STK32C: variants seen among roughly 807,000 people sequenced by gnomAD.
STK32C encodes the protein serine/threonine kinase 32C.
Under a neutral mutation model 56.5 loss-of-function variants are expected in STK32C, and 31 were observed. That is an observed-to-expected ratio of 0.55 (90% CI 0.41 to 0.74). The LOEUF (loss-of-function observed/expected upper bound fraction) is 0.74, where lower values mean the gene tolerates loss of function less well. Ranked by LOEUF, STK32C falls within the 30% of genes least tolerant of loss-of-function variation. The pLI is 0.00. For missense variants in STK32C, 544 were observed against 676.9 expected (o/e 0.80, Z 2.18); for synonymous variants, 309 against 289.4 (o/e 1.07, Z -0.69).
At chr10:132,279,061 G>A (rs1382799390) in intron 1 of STK32C, among the ~76,000 whole-genome samples, 1 of 152,126 alleles carries the variant, frequency 6.6e-6, no homozygotes, top group South Asian at 2.1e-4. Context: ...CGGGGGACGG[G>A]GCATATAAGT....
Position 132,224,529 on chromosome 10 carries a change from G to C in STK32C, c.877-6C>G, listed in dbSNP as rs749030656. 9.1e-5 allele frequency: 144 copies of C among 1,589,352 alleles called. No individual in the cohort carries two copies. Among genetic ancestry groups the C allele is most frequent in the Non-Finnish European group, 1.2e-4 (135 of 1,168,278 alleles). On this transcript the variant is annotated splice_region_variant and splice_polypyrimidine_tract_variant and intron_variant, in intron 7 of 11. Coordinates refer to ENST00000298630, the MANE Select transcript of STK32C (RefSeq NM_173575.4). The stretch of plus-strand genomic sequence containing the variant: ...GAGTGGATGTCATAGGGCCTCTGGA[G>C]ACAGGGAGGCAGTGCTGGGCAGGTC...
intron 1 of STK32C, among the ~76,000 whole-genome samples, chr10:132,288,797 A>G (rs2065486194): frequency 6.6e-6 from 1 of 152,236 alleles, no homozygotes; most frequent in East Asian, 1.9e-4. Context: ...GCTGAGAGAA[A>G]TTAAAGAAGA....
chr10:132,324,269 C>A (rs767373536), exon 2 of STK32C: 3 of 779,612 alleles, frequency 3.8e-6, no homozygotes, highest in Admixed American at 3.4e-5. Flanking sequence ...CAGAACACAC[C>A]CCCAGCTTTT....
At chr10:132,278,299 C>T (rs1255376523) in intron 1 of STK32C, among the ~76,000 whole-genome samples, 1 of 151,964 alleles carries the variant, frequency 6.6e-6, no homozygotes, top group Non-Finnish European at 1.5e-5. Flanking sequence ...GTTCTAAAAA[C>T]AAAAATTCAC....
chr10:132,225,216 C>CT lies in STK32C; in HGVS notation c.876+16dup. The CT allele has an allele frequency of 6.3e-7, 1 of 1,582,968 alleles. No individual in the cohort carries two copies. Among genetic ancestry groups the CT allele is most frequent in the Non-Finnish European group, 8.6e-7 (1 of 1,162,580 alleles). ...GGGGCCTGGCAGCCAAGCCCAGGGG[C>CT]TGCAGGGGGTCCATACCCATCCTCG... On this transcript the variant is annotated intron_variant, in intron 7 of 11. Coordinates refer to ENST00000298630, the MANE Select transcript of STK32C (RefSeq NM_173575.4).
At chr10:132,311,477 G>T (rs1423488002), upstream of STK32C, among the ~76,000 whole-genome samples, 1 of 152,230 alleles carries the variant, frequency 6.6e-6, no homozygotes, top group Non-Finnish European at 1.5e-5. The surrounding 1 kb of genome is among the most constrained non-coding windows in gnomAD (Gnocchi z 4.4). Context: ...GAAGGCCAGG[G>T]CCTTGGAGCC....
intron 8 of STK32C, 76 bp from the exon 9 acceptor site, chr10:132,223,062 G>A (rs1348071564): frequency 2.7e-6 from 4 of 1,503,426 alleles, no homozygotes; most frequent in Non-Finnish European, 3.6e-6. Context: ...CCCCAGGCCA[G>A]GGCACCTTGA....
At chr10:132,319,577 C>T (rs1019968697), downstream of STK32C, among the ~76,000 whole-genome samples, 8 of 152,180 alleles carry the variant, frequency 5.3e-5, no homozygotes, top group East Asian at 1.9e-4. Context: ...GATGAAAAGA[C>T]GACATACTGT....
chr10:132,261,108 G>A (rs2064290333), intron 1 of STK32C, among the ~76,000 whole-genome samples: 1 of 152,218 alleles, frequency 6.6e-6, no homozygotes, highest in Non-Finnish European at 1.5e-5. Context: ...CGGGGACTAC[G>A]AGCTTAGGCC....
intron 1 of STK32C, among the ~76,000 whole-genome samples, chr10:132,275,860 T>A (rs1413121138): frequency 6.6e-6 from 1 of 152,108 alleles, no homozygotes; most frequent in Non-Finnish European, 1.5e-5. Flanking sequence ...CCTCCTGGCA[T>A]CTCTGAGAAG....
Position 132,208,076 on chromosome 10 carries a change from C to A in STK32C, c.1395G>T (p.Glu465Asp). ...GCAGGGCGGAGCGTTCCGCCTCGTCCTCCACAGGCTCCGCAGCATCCCTGG... is the reference window on the plus strand; with the variant it reads ...GCAGGGCGGAGCGTTCCGCCTCGTCATCCACAGGCTCCGCAGCATCCCTGG... ...PESRDAAEPV[E>D]DEAERSALPM... The change falls in exon 12 of 12, where the codon GAG (glutamate) becomes GAT (aspartate). Residue 465 changes from glutamate to aspartate, a missense_variant. By Grantham distance (45) the Glu-to-Asp change is conservative (BLOSUM62 2). Coordinates refer to ENST00000298630, the MANE Select transcript of STK32C (RefSeq NM_173575.4). 1 of 1,311,058 alleles carries A rather than the reference C, an allele frequency of 7.6e-7. No individual in the cohort carries two copies. Among genetic ancestry groups the A allele is most frequent in the South Asian group, 3.2e-5 (1 of 31,536 alleles). The allele number at this position is 1,311,058 out of a possible 1,614,324, so 81.2% of individuals were successfully genotyped here.
chr10:132,315,286 G>A (rs924850331), intron 1 of STK32C, among the ~76,000 whole-genome samples: 8 of 152,102 alleles, frequency 5.3e-5, no homozygotes, highest in African/African-American at 1.7e-4. Context: ...ATGGACACAG[G>A]GAGGGGAACA....
Position 132,307,466 on chromosome 10 carries a change from A to C in STK32C, c.262+106T>G. The C allele has an allele frequency of 1.4e-5, 18 of 1,242,122 alleles. No homozygotes were observed. The highest frequency in any genetic ancestry group is 4.0e-5 in the Admixed American group (1 of 24,742). The allele number at this position is 1,242,122 out of a possible 1,614,324, so 76.9% of individuals were successfully genotyped here. A position where few individuals can be genotyped will look rare whatever the true frequency, so the allele number is the denominator to read the frequency against. The stretch of plus-strand genomic sequence containing the variant: ...TCTCCGGAAGCCGGGGCGCCCCGGG[A>C]AGCCGTCCCGGACACCGGGGGAACC... On this transcript the variant is annotated intron_variant, in intron 1 of 11. Coordinates refer to ENST00000298630, the MANE Select transcript of STK32C (RefSeq NM_173575.4). This position sits in a 1 kb window ranked among gnomAD's most constrained non-coding sequence, Gnocchi z 4.4.
At chr10:132,221,695 CAA>C (rs2062664722) in intron 10 of STK32C, among the ~76,000 whole-genome samples, 2 of 146,938 alleles carry the variant, frequency 1.4e-5, no homozygotes, top group African/African-American at 5.1e-5. Context: ...CCCACACACA[CAA>C]CTGATGCTGA....
intron 1 of STK32C, chr10:132,248,896 A>T: frequency 2.2e-6 from 1 of 452,632 alleles, no homozygotes; most frequent in Non-Finnish European, 4.5e-6. Context: ...CATCACCTCC[A>T]CTTTAGAGAA....
chr10:132,279,904 C>A (rs572954179), intron 1 of STK32C, among the ~76,000 whole-genome samples: 1 of 146,270 alleles, frequency 6.8e-6, no homozygotes, highest in Admixed American at 6.8e-5. Context: ...ATGACCATGC[C>A]CCTACACTCC....
intron 2 of STK32C, among the ~76,000 whole-genome samples, chr10:132,239,976 T>C (rs1181640282): frequency 6.6e-6 from 1 of 152,110 alleles, no homozygotes; most frequent in Non-Finnish European, 1.5e-5. Flanking sequence ...CCGCTGGCTG[T>C]GAACATGAGG....
chr10:132,222,983 G>A lies in STK32C; in HGVS notation c.997C>T (p.Leu333Phe). 1 of 1,549,850 alleles carries A rather than the reference G, an allele frequency of 6.5e-7. No homozygotes were observed. The highest frequency in any genetic ancestry group is 8.7e-7 in the Non-Finnish European group (1 of 1,151,754). ...AGCCGGTGCTCGGGGTTCACAGTGA[G>A]GAGCTGCAACCAGGCATGAGTCAGA... ...KEMVALLRKLLTVNPEHRLSS... is the reference protein window; with the variant it reads ...KEMVALLRKLFTVNPEHRLSS... Residue 333 changes from leucine (L) to phenylalanine (F), a missense_variant, in exon 9 of 12, where the codon CTC (leucine) becomes TTC (phenylalanine). By Grantham distance (22) the Leu-to-Phe change is conservative (BLOSUM62 0). Around this residue, in one of 3 missense-constraint regions of STK32C, gnomAD observed 277 missense variants for 309.3 expected, o/e 0.90. Transcript: ENST00000298630.
intron 1 of STK32C, among the ~76,000 whole-genome samples, chr10:132,296,344 T>G (rs1452604492): frequency 6.6e-6 from 1 of 151,870 alleles, no homozygotes; most frequent in Non-Finnish European, 1.5e-5. Flanking sequence ...ACTGAGGAGA[T>G]CTGAACCCAG....
Sources: allele counts gnomAD v4.1 joint callset (sites outside exome capture counted in the v4.1 genomes callset), GRCh38; gene constraint gnomAD v4.1.1; regional missense constraint gnomAD v4.1.1; non-coding constraint Gnocchi (gnomAD v3.1); transcripts MANE v1.5; gene names NCBI Gene and HGNC (gene_info 2026-07-23, HGNC 2026-07-21).